Variants in MGAT4C observed in about 807,000 individuals in gnomAD.
The protein encoded by MGAT4C is alpha-1,3-mannosyl-glycoprotein 4-beta-N-acetylglucosaminyltransferase C.
In MGAT4C, 19 loss-of-function variants were observed where a neutral mutation model predicts 40.1. That is an observed-to-expected ratio of 0.47 (90% CI 0.33 to 0.70). The LOEUF (loss-of-function observed/expected upper bound fraction) is 0.70. Among genes scored for constraint, MGAT4C ranks in the 30% least tolerant of loss-of-function variants. MGAT4C has a pLI of 0.02. For missense variants in MGAT4C, 491 were observed against 563.2 expected, an observed-to-expected ratio of 0.87 and a Z score of 1.30; for synonymous variants, 181 against 187.1, an observed-to-expected ratio of 0.97 and a Z score of 0.27.
chr12:86,454,558 T>C (rs1230625183), intron 2 of MGAT4C, among the ~76,000 whole-genome samples: 2 of 151,952 alleles, frequency 1.3e-5, no homozygotes, highest in South Asian at 2.1e-4. Flanking sequence ...AACATGAAGA[T>C]TGATAGGTAG....
At chr12:86,054,800 C>G (rs1893229016) in intron 1 of MGAT4C, among the ~76,000 whole-genome samples, 1 of 151,728 alleles carries the variant, frequency 6.6e-6, no homozygotes. Context: ...TTCATAGGTC[C>G]ACCATGAGTG....
At chr12:86,652,853 T>C (rs1230773236) in intron 2 of MGAT4C, among the ~76,000 whole-genome samples, 1 of 151,926 alleles carries the variant, frequency 6.6e-6, no homozygotes, top group Non-Finnish European at 1.5e-5. Context: ...TCATATTTTT[T>C]ATTCCTATTT....
At chr12:86,306,412 TATAAACC>T (rs1217827599) in intron 4 of MGAT4C, among the ~76,000 whole-genome samples, 2 of 150,602 alleles carry the variant, frequency 1.3e-5, no homozygotes, top group African/African-American at 2.5e-5. Context: ...ATTAGTCTCA[TATAAACC>T]ATGCTAAATG....
At chr12:86,200,132 T>TTG (rs1555246184) in intron 1 of MGAT4C, among the ~76,000 whole-genome samples, 21 of 84,750 alleles carry the variant, frequency 2.5e-4, no homozygotes, top group Non-Finnish European at 6.0e-4. Flanking sequence ...TATTTGTTTT[T>TTG]TTTTTTTTTT....
chr12:86,496,182 G>C (rs935153219), intron 2 of MGAT4C, among the ~76,000 whole-genome samples: 1 of 151,984 alleles, frequency 6.6e-6, no homozygotes, highest in Non-Finnish European at 1.5e-5. Flanking sequence ...GGGACCTATA[G>C]AGTGATAAAG....
At chr12:86,581,870 A>T (rs1391641154) in intron 2 of MGAT4C, among the ~76,000 whole-genome samples, 1 of 151,482 alleles carries the variant, frequency 6.6e-6, no homozygotes, top group Non-Finnish European at 1.5e-5. Context: ...CTGTCTAGAT[A>T]AAACTATGCT....
At chr12:86,286,713 C>T (rs527505179) in intron 4 of MGAT4C, among the ~76,000 whole-genome samples, 1 of 151,940 alleles carries the variant, frequency 6.6e-6, no homozygotes, top group Non-Finnish European at 1.5e-5. Flanking sequence ...ACACAATAGG[C>T]CATTTTTCTA....
At chr12:86,508,648 T>C (rs2136344582) in intron 2 of MGAT4C, among the ~76,000 whole-genome samples, 1 of 151,580 alleles carries the variant, frequency 6.6e-6, no homozygotes, top group Non-Finnish European at 1.5e-5. Context: ...ACCTTCACAA[T>C]GGTTGAACTA....
At position 85,957,079 on chromosome 12, in the gene MGAT4C, AAT is replaced by A. The variant is rs1240513064; in HGVS notation, c.*22208_*22209del. 2.6e-5 allele frequency: 4 copies of A among 152,190 alleles called. No homozygotes were observed. Among genetic ancestry groups the A allele is most frequent in the Non-Finnish European group, 5.9e-5 (4 of 68,038 alleles). The allele number at this position is 152,190 out of a possible 1,614,324, so 9.4% of individuals were successfully genotyped here. On this transcript the variant is annotated 3_prime_UTR_variant, in exon 5 of 5. Transcript: ENST00000611864. ...CCTTTGCTGCTGGCAAAGCTTTAAA[AAT>A]ATGTTATTATTTTGTTATTATCTAT... is the stretch of plus-strand genomic sequence containing the variant.
chr12:86,683,611 C>G lies in MGAT4C; in HGVS notation c.-229+43598G>C, dbSNP rs564217349. On this transcript the variant is annotated intron_variant, in intron 2 of 7. Coordinates refer to the MGAT4C transcript ENST00000548651. ...CAAAAAAATCCTCACCATGACTCAC[C>G]ACTATGCTAATTTGTCTTATGTTAA... Among the ~76,000 whole-genome samples the G allele has an allele frequency of 3.3e-3, 497 of 152,242 alleles. 3 individuals carry two copies. The highest frequency in any genetic ancestry group is 0.011 in the African/African-American group (475 of 41,546).
At chr12:86,177,183 C>G (rs1295669506) in intron 1 of MGAT4C, among the ~76,000 whole-genome samples, 1 of 152,020 alleles carries the variant, frequency 6.6e-6, no homozygotes, top group South Asian at 2.1e-4. Context: ...CTGGGAAATT[C>G]TCAGCAACAG....
intron 2 of MGAT4C, among the ~76,000 whole-genome samples, chr12:86,599,297 T>C (rs1045882540): frequency 3.3e-5 from 5 of 152,296 alleles, no homozygotes; most frequent in Admixed American, 1.3e-4. Flanking sequence ...CACATTTTCC[T>C]GGCAGATTAG....
chr12:86,114,870 G>T (rs1878125813), intron 1 of MGAT4C, among the ~76,000 whole-genome samples: 1 of 151,872 alleles, frequency 6.6e-6, no homozygotes, highest in Non-Finnish European at 1.5e-5. Flanking sequence ...GAAATAATGT[G>T]ACGTTTGGTG....
At chr12:86,834,793 G>A (rs1593251129) in intron 1 of MGAT4C, among the ~76,000 whole-genome samples, 1 of 151,790 alleles carries the variant, frequency 6.6e-6, no homozygotes, top group Non-Finnish European at 1.5e-5. Context: ...GTGTGTAGGC[G>A]GGTTGTAGGT....
intron 2 of MGAT4C, among the ~76,000 whole-genome samples, chr12:86,705,213 TATCTCTATC>T: frequency 8.1e-6 from 1 of 123,126 alleles, no homozygotes; most frequent in African/African-American, 3.2e-5. Context: ...ATCTGTCTAT[TATCTCTATC>T]TATCTATCTA....
chr12:86,211,751 T>A (rs2135960476), intron 1 of MGAT4C, among the ~76,000 whole-genome samples: 1 of 152,288 alleles, frequency 6.6e-6, no homozygotes, highest in South Asian at 2.1e-4. Context: ...GAGAAGCTGA[T>A]CCATACTGGA....
At chr12:86,680,515 A>T (rs1949962095) in intron 2 of MGAT4C, among the ~76,000 whole-genome samples, 1 of 152,034 alleles carries the variant, frequency 6.6e-6, no homozygotes, top group African/African-American at 2.4e-5. Flanking sequence ...ACTAATGTGC[A>T]GTTGTTTCGT....
chr12:85,995,095 T>G (rs1056227861), intron 2 of MGAT4C, among the ~76,000 whole-genome samples: 2 of 152,192 alleles, frequency 1.3e-5, no homozygotes, highest in Admixed American at 1.3e-4. Flanking sequence ...CCACAGTTGA[T>G]GACTTTTTTT....
intron 2 of MGAT4C, among the ~76,000 whole-genome samples, chr12:86,481,422 A>G (rs1386570448): frequency 6.6e-6 from 1 of 152,106 alleles, no homozygotes; most frequent in African/African-American, 2.4e-5. Context: ...TTAGTCTAAC[A>G]ACACAGATTA....
Sources: allele counts gnomAD v4.1 joint callset (sites outside exome capture counted in the v4.1 genomes callset), GRCh38; gene constraint gnomAD v4.1.1; transcripts MANE v1.5; gene names NCBI Gene and HGNC (gene_info 2026-07-23, HGNC 2026-07-21).